The following MCPH1 variants were observed in gnomAD, a reference collection of about 807,000 sequenced individuals.
MCPH1 encodes the protein microcephalin.
MCPH1 carries 104 observed loss-of-function variants against 84.5 expected under a neutral mutation model. That is an observed-to-expected ratio of 1.23 (90% CI 1.05 to 1.45). The LOEUF is 1.45. MCPH1 is among the 40% of genes most tolerant of loss of function. MCPH1 has a pLI of 0.00. For synonymous variants in MCPH1, 514 were observed against 366.8 expected, an observed-to-expected ratio of 1.40 and a Z score of -4.58; for missense variants, 1,498 against 1,005.7, an observed-to-expected ratio of 1.49 and a Z score of -6.62.
chr8:6,601,045 C>CCTGTGGG (rs1829319457), intron 12 of MCPH1, among the ~76,000 whole-genome samples: 1 of 152,146 alleles, frequency 6.6e-6, no homozygotes, highest in Admixed American at 6.5e-5. Context: ...GCTGAGGCTC[C>CCTGTGGG]CTGTGGGCTG....
chr8:6,585,670 A>G (rs532484972), intron 12 of MCPH1, among the ~76,000 whole-genome samples: 22 of 152,318 alleles, frequency 1.4e-4, no homozygotes, highest in East Asian at 3.9e-4. Flanking sequence ...CCCATACTCA[A>G]TTAAATATCC....
intron 12 of MCPH1, among the ~76,000 whole-genome samples, chr8:6,605,196 C>T (rs1298293801): frequency 1.3e-5 from 2 of 152,110 alleles, no homozygotes; most frequent in Non-Finnish European, 2.9e-5. Flanking sequence ...GGAATGGTTA[C>T]TCATGTTGGG....
chr8:6,571,415 T>C (rs1404614498), intron 12 of MCPH1, among the ~76,000 whole-genome samples: 1 of 152,188 alleles, frequency 6.6e-6, no homozygotes, highest in Non-Finnish European at 1.5e-5. Flanking sequence ...CCCAAATCCA[T>C]TTCATAAATG....
intron 12 of MCPH1, among the ~76,000 whole-genome samples, chr8:6,519,289 G>A (rs931129128): frequency 1.1e-4 from 16 of 152,200 alleles, no homozygotes; most frequent in Admixed American, 9.8e-4. Context: ...CCACCGGTCT[G>A]TGGCACTGTG....
intron 3 of MCPH1, among the ~76,000 whole-genome samples, chr8:6,420,938 C>A (rs1800101329): frequency 6.6e-6 from 1 of 152,136 alleles, no homozygotes; most frequent in Admixed American, 6.5e-5. Flanking sequence ...TAAAAGGCGT[C>A]AGAACAGAAA....
At chr8:6,501,023 C>T (rs1210222784) in intron 12 of MCPH1, 1 of 152,170 alleles carries the variant, frequency 6.6e-6, no homozygotes, top group African/African-American at 2.4e-5. Context: ...TTCTTATTTT[C>T]AGTTGTTTTT....
intron 12 of MCPH1, among the ~76,000 whole-genome samples, chr8:6,544,685 G>A (rs1415778486): frequency 6.6e-6 from 1 of 152,098 alleles, no homozygotes; most frequent in East Asian, 1.9e-4. Context: ...TCATTCTAAA[G>A]TAATTTTTAC....
intron 12 of MCPH1, among the ~76,000 whole-genome samples, chr8:6,558,383 C>T (rs1484556436): frequency 6.6e-6 from 1 of 152,124 alleles, no homozygotes; most frequent in East Asian, 1.9e-4. Context: ...TTTTAAATTA[C>T]TCCCATGGCG....
rs34907559 is a variant in MCPH1 at position 6,645,606 on chromosome 8, C to CAAA, written c.*2575_*2577dup. On this transcript the variant is annotated 3_prime_UTR_variant, in exon 14 of 14. Coordinates refer to ENST00000344683, the MANE Select transcript of MCPH1 (RefSeq NM_024596.5). The stretch of plus-strand genomic sequence containing the variant: ...CTATGTATAGAAATTGTAAGGAATG[C>CAAA]AAAAAAAAAAAAAAAAAAAAGCCCT... 565 of 51,676 alleles carry CAAA rather than the reference C, an allele frequency of 0.011. 31 individuals are homozygous for CAAA. Among genetic ancestry groups the CAAA allele is most frequent in the East Asian group, 0.041 (84 of 2,048 alleles). 3.2% of individuals were successfully genotyped at this position (51,676 alleles called of 1,614,324 possible).
chr8:6,528,440 T>C (rs768160522), intron 12 of MCPH1, among the ~76,000 whole-genome samples: 2 of 152,224 alleles, frequency 1.3e-5, no homozygotes, highest in South Asian at 4.1e-4. Context: ...TATATAAAAA[T>C]ATAGATAATT....
chr8:6,636,063 G>A (rs148538614), intron 13 of MCPH1, among the ~76,000 whole-genome samples: 12 of 152,200 alleles, frequency 7.9e-5, no homozygotes, highest in Non-Finnish European at 1.8e-4. Flanking sequence ...TCACGGGCAG[G>A]CACGGTGGCT....
chr8:6,445,138 C>A lies in MCPH1; in HGVS notation c.1416C>A (p.Asp472Glu). 4 of 1,614,230 alleles carry A rather than the reference C, an allele frequency of 2.5e-6. No homozygotes were observed. Among genetic ancestry groups the A allele is most frequent in the Non-Finnish European group, 3.4e-6 (4 of 1,180,044 alleles). Residue 472 changes from aspartate (D) to glutamate (E), a missense_variant, in exon 8 of 14, where the codon GAC becomes GAA. Coordinates refer to ENST00000344683, the MANE Select transcript of MCPH1 (RefSeq NM_024596.5). ...SCVGKKTRTV[D>E]ITNFTAKTIS... is the part of the protein sequence containing the mutation. Reference sequence around the variant, plus strand: ...TTGGCAAAAAAACCAGAACAGTTGACATTACCAATTTCACAGCAAAAACCA... The same window carrying A: ...TTGGCAAAAAAACCAGAACAGTTGAAATTACCAATTTCACAGCAAAAACCA...
chr8:6,557,799 T>A (rs1824883504), intron 12 of MCPH1, among the ~76,000 whole-genome samples: 1 of 152,070 alleles, frequency 6.6e-6, no homozygotes, highest in Non-Finnish European at 1.5e-5. Flanking sequence ...TGTGAACAGC[T>A]AATTGGAAAA....
chr8:6,497,826 T>C (rs1463089140), intron 11 of MCPH1, among the ~76,000 whole-genome samples: 3 of 152,200 alleles, frequency 2.0e-5, no homozygotes, highest in Non-Finnish European at 4.4e-5. Context: ...AATTTGAACA[T>C]AGACACATTA....
intron 12 of MCPH1, among the ~76,000 whole-genome samples, chr8:6,561,875 T>G (rs1294961525): frequency 6.6e-6 from 1 of 152,196 alleles, no homozygotes; most frequent in African/African-American, 2.4e-5. Context: ...GGATCATCTG[T>G]GAAACAGTGG....
At chr8:6,461,301 A>T (rs1806255678) in intron 9 of MCPH1, among the ~76,000 whole-genome samples, 1 of 143,902 alleles carries the variant, frequency 6.9e-6, no homozygotes, top group Admixed American at 7.0e-5. Flanking sequence ...TATTTTAAAT[A>T]TACTTGTTTC....
At chr8:6,539,594 G>A (rs780813383) in intron 12 of MCPH1, among the ~76,000 whole-genome samples, 8 of 152,114 alleles carry the variant, frequency 5.3e-5, no homozygotes, top group African/African-American at 1.9e-4. Context: ...CTTTTTTATT[G>A]TCTTTTTTTT....
chr8:6,410,023 G>A (rs952034037), intron 2 of MCPH1, among the ~76,000 whole-genome samples: 2 of 151,856 alleles, frequency 1.3e-5, no homozygotes, highest in African/African-American at 4.9e-5. Context: ...AGGCTGGAGT[G>A]CAGTGACGCG....
chr8:6,588,648 G>A (rs1015048207), intron 12 of MCPH1, among the ~76,000 whole-genome samples: 1 of 152,246 alleles, frequency 6.6e-6, no homozygotes, highest in Admixed American at 6.5e-5. Flanking sequence ...CACATCTCCG[G>A]GCTTCACCCG....
Sources: allele counts gnomAD v4.1 joint callset (sites outside exome capture counted in the v4.1 genomes callset), GRCh38; gene constraint gnomAD v4.1.1; transcripts MANE v1.5; gene names NCBI Gene and HGNC (gene_info 2026-07-23, HGNC 2026-07-21).